TAFA4: variants seen among roughly 807,000 people sequenced by gnomAD.
The protein encoded by TAFA4 is TAFA chemokine like family member 4.
In TAFA4, 20 loss-of-function variants were observed where a neutral mutation model predicts 21.1. The observed-to-expected ratio is 0.95, with a 90% confidence interval of 0.67 to 1.38. The LOEUF (loss-of-function observed/expected upper bound fraction) is 1.38, where lower values mean the gene tolerates loss of function less well. Among genes scored for constraint, TAFA4 ranks in the 40% most tolerant of loss-of-function variants. The pLI is 0.00. For synonymous variants in TAFA4, 71 were observed against 67.4 expected, an observed-to-expected ratio of 1.05 and a Z score of -0.26; for missense variants, 211 against 180.9, an observed-to-expected ratio of 1.17 and a Z score of -0.95.
At chr3:68,870,635 A>G (rs1198869388) in intron 3 of TAFA4, among the ~76,000 whole-genome samples, 3 of 152,084 alleles carry the variant, frequency 2.0e-5, no homozygotes, top group Admixed American at 2.0e-4. Flanking sequence ...TTTGTTACAT[A>G]GGTATACATG....
At chr3:68,915,560 C>T (rs1353363620) in intron 1 of TAFA4, among the ~76,000 whole-genome samples, 2 of 152,108 alleles carry the variant, frequency 1.3e-5, no homozygotes, top group African/African-American at 2.4e-5. Context: ...ATTTAACTCT[C>T]AAAATGGTGA....
At chr3:68,923,636 A>AT (rs1228197308) in intron 1 of TAFA4, among the ~76,000 whole-genome samples, 1 of 152,160 alleles carries the variant, frequency 6.6e-6, no homozygotes, top group Non-Finnish European at 1.5e-5. Context: ...GCCTGTTATT[A>AT]TTTTGATAAA....
In TAFA4 at chr3:68,739,101, T is replaced by A; in HGVS notation, c.385A>T (p.Ser129Cys). 3.7e-6 allele frequency: 6 copies of A among 1,613,962 alleles called. No individual in the cohort carries two copies. The highest frequency in any genetic ancestry group is 5.1e-6 in the Non-Finnish European group (6 of 1,179,878). The change falls in exon 5 of 6, where the codon AGT becomes TGT. Residue 129 changes from serine (S) to cysteine (C), a missense_variant. By Grantham distance (112) the Ser-to-Cys change is moderately radical. Coordinates refer to ENST00000295569, the MANE Select transcript of TAFA4 (RefSeq NM_182522.5). ...TTCGTAGTTTTGACTTTATTGCCAC[T>A]GCTACAGGACCAACCTGAGTAATCT... ...LPDYSGWSCS[S>C]GNKVKTTKVT... is the part of the protein sequence containing the mutation.
Position 68,783,764 on chromosome 3 carries a change from A to AGT in TAFA4, c.131-30747_131-30746insAC, listed in dbSNP as rs1464657428. ...AAGAAAGTAAGAAAGAAAGAAACAAAAACAAAGAAACAAAGAAAAAGAGAT... is the reference window on the plus strand; with the variant it reads ...AAGAAAGTAAGAAAGAAAGAAACAAAGTAACAAAGAAACAAAGAAAAAGAGAT... On this transcript the variant is annotated intron_variant, in intron 3 of 5. Transcript: ENST00000295569. Among the ~76,000 whole-genome samples the AGT allele has an allele frequency of 4.6e-5, 7 of 151,572 alleles. No homozygotes were observed. In the South Asian group the frequency reaches 1.5e-3, roughly 32 times the overall value.
intron 3 of TAFA4, among the ~76,000 whole-genome samples, chr3:68,764,864 A>C (rs1702819029): frequency 6.6e-6 from 1 of 151,480 alleles, no homozygotes; most frequent in Admixed American, 6.6e-5. Flanking sequence ...AATGCAAAAA[A>C]CTCTCCATTT....
chr3:68,736,262 G>GA (rs546124508), intron 5 of TAFA4, among the ~76,000 whole-genome samples: 33 of 144,680 alleles, frequency 2.3e-4, no homozygotes, highest in African/African-American at 3.8e-4. Flanking sequence ...TTTCAATTAA[G>GA]AAAAAAAAAA....
At chr3:68,857,183 C>T (rs1705089623) in intron 3 of TAFA4, among the ~76,000 whole-genome samples, 1 of 152,148 alleles carries the variant, frequency 6.6e-6, no homozygotes, top group African/African-American at 2.4e-5. Context: ...AACGATTTCT[C>T]CCAATTTGTG....
intron 3 of TAFA4, among the ~76,000 whole-genome samples, chr3:68,855,361 C>G (rs1705047312): frequency 6.6e-6 from 1 of 152,084 alleles, no homozygotes; most frequent in African/African-American, 2.4e-5. Flanking sequence ...AGATAAATTG[C>G]TAACATAGAA....
At chr3:68,811,078 C>T (rs1289680236) in intron 3 of TAFA4, among the ~76,000 whole-genome samples, 2 of 152,174 alleles carry the variant, frequency 1.3e-5, no homozygotes, top group African/African-American at 4.8e-5. Context: ...GAGTGGACCT[C>T]CAGCAAACTC....
rs201849496 is a variant in TAFA4 at position 68,805,965 on chromosome 3, AT to A, written c.131-52948del. Among the ~76,000 whole-genome samples, 1,155 of 152,248 alleles carry A rather than the reference AT, an allele frequency of 7.6e-3. 10 individuals are homozygous for A. The highest frequency in any genetic ancestry group is 0.026 in the African/African-American group (1,094 of 41,536). On this transcript the variant is annotated intron_variant, in intron 3 of 5. Coordinates refer to ENST00000295569, the MANE Select transcript of TAFA4 (RefSeq NM_182522.5). ...AAACTTAAAGTATAATAATAACAAA[AT>A]TTTTTTTAAAAAGTACAAAACCAGA...
At chr3:68,871,438 G>A (rs971497589) in intron 3 of TAFA4, among the ~76,000 whole-genome samples, 2 of 151,996 alleles carry the variant, frequency 1.3e-5, no homozygotes, top group Non-Finnish European at 2.9e-5. Context: ...TCAAAATGGA[G>A]TAAAGACTTA....
At chr3:68,855,066 A>T (rs1274199779) in intron 3 of TAFA4, among the ~76,000 whole-genome samples, 1 of 152,204 alleles carries the variant, frequency 6.6e-6, no homozygotes, top group African/African-American at 2.4e-5. Flanking sequence ...ATGATAAGTA[A>T]CAAATGACTG....
chr3:68,840,711 C>G (rs1331011503), intron 3 of TAFA4, among the ~76,000 whole-genome samples: 1 of 152,090 alleles, frequency 6.6e-6, no homozygotes, highest in Non-Finnish European at 1.5e-5. Flanking sequence ...TGGTCCCTCC[C>G]ATATAGAAAA....
chr3:68,853,894 T>G (rs187364826), intron 3 of TAFA4, among the ~76,000 whole-genome samples: 5 of 152,182 alleles, frequency 3.3e-5, no homozygotes, highest in Non-Finnish European at 5.9e-5. Flanking sequence ...AAACAGGGCA[T>G]GATGCCTGTC....
At chr3:68,928,626 T>C (rs962562370) in intron 1 of TAFA4, among the ~76,000 whole-genome samples, 1 of 152,174 alleles carries the variant, frequency 6.6e-6, no homozygotes, top group Non-Finnish European at 1.5e-5. Flanking sequence ...TACTAGGAAG[T>C]AACCCAAGCT....
chr3:68,735,247 A>G (rs917892868), intron 5 of TAFA4, among the ~76,000 whole-genome samples: 2 of 152,108 alleles, frequency 1.3e-5, no homozygotes, highest in African/African-American at 2.4e-5. Context: ...GGCCTGTACA[A>G]TGATTGGCAG....
intron 1 of TAFA4, among the ~76,000 whole-genome samples, chr3:68,900,338 T>A (rs4546155): frequency 0.26 from 38,971 of 150,218 alleles, 6,257 homozygotes; most frequent in East Asian, 0.61. Flanking sequence ...ATTAATTCCA[T>A]AGTAACTTTG....
chr3:68,749,304 A>G (rs1170125368), intron 4 of TAFA4, among the ~76,000 whole-genome samples: 4 of 152,238 alleles, frequency 2.6e-5, no homozygotes, highest in African/African-American at 9.6e-5. Flanking sequence ...AGAAATGCAA[A>G]AGGATATTCC....
intron 3 of TAFA4, among the ~76,000 whole-genome samples, chr3:68,860,513 T>A (rs531816200): frequency 6.6e-6 from 1 of 152,284 alleles, no homozygotes; most frequent in African/African-American, 2.4e-5. Flanking sequence ...TTGAACTATC[T>A]AAGTAGGATG....
Sources: gnomAD v4.1 joint callset for allele counts (sites outside exome capture counted in the v4.1 genomes callset) on GRCh38, gnomAD v4.1.1 for gene constraint, MANE v1.5 for transcripts, NCBI Gene and HGNC (gene_info 2026-07-23, HGNC 2026-07-21) for gene names.